Variants in SLC1A6 observed in about 807,000 individuals in gnomAD.
SLC1A6 encodes solute carrier family 1 member 6.
Under a neutral mutation model 42.1 loss-of-function variants are expected in SLC1A6, and 15 were observed. That is an observed-to-expected ratio of 0.36 (90% CI 0.24 to 0.55). SLC1A6 has a LOEUF of 0.55. Among genes scored for constraint, SLC1A6 ranks in the 20% least tolerant of loss-of-function variants. The pLI is 0.88. For synonymous variants in SLC1A6, 317 were observed against 319.7 expected (o/e 0.99, Z 0.09); for missense variants, 542 against 772.5 (o/e 0.70, Z 3.54).
intron 8 of SLC1A6, among the ~76,000 whole-genome samples, chr19:14,953,371 T>C (rs2045431474): frequency 6.6e-6 from 1 of 151,208 alleles, no homozygotes; most frequent in Non-Finnish European, 1.5e-5. Flanking sequence ...CAATCCCACC[T>C]TAACCTCCTG....
At chr19:14,986,717 A>T (rs1172967760) in intron 1 of SLC1A6, among the ~76,000 whole-genome samples, 1 of 151,406 alleles carries the variant, frequency 6.6e-6, no homozygotes, top group African/African-American at 2.4e-5. Context: ...CAGCCTCTTG[A>T]GTAGCTGGGA....
chr19:15,004,575 C>T (rs1479980906), intron 1 of SLC1A6, among the ~76,000 whole-genome samples: 1 of 148,850 alleles, frequency 6.7e-6, no homozygotes, highest in African/African-American at 2.5e-5. Flanking sequence ...TGGCATGCAC[C>T]TGTAGTTCCA....
At chr19:14,995,565 T>C (rs1469795797) in intron 1 of SLC1A6, among the ~76,000 whole-genome samples, 3 of 152,032 alleles carry the variant, frequency 2.0e-5, no homozygotes, top group Non-Finnish European at 4.4e-5. Context: ...TGCAAATGCT[T>C]CACCACAAAA....
At chr19:14,980,916 T>G (rs2045763590), upstream of SLC1A6, among the ~76,000 whole-genome samples, 1 of 152,058 alleles carries the variant, frequency 6.6e-6, no homozygotes, top group Non-Finnish European at 1.5e-5. Flanking sequence ...TGCATCGCCC[T>G]GGCTCTGCTT....
intron 3 of SLC1A6, 22 bp downstream of exon 3, chr19:14,971,715 A>G (rs770938506): frequency 6.2e-7 from 1 of 1,612,842 alleles, no homozygotes; most frequent in Non-Finnish European, 8.5e-7. Context: ...TTGGAGGCCA[A>G]CACTGGCCTG....
chr19:14,983,348 G>A (rs944533262), upstream of SLC1A6, among the ~76,000 whole-genome samples: 15 of 152,082 alleles, frequency 9.9e-5, no homozygotes, highest in African/African-American at 2.7e-4. Flanking sequence ...GCTGTCTAGC[G>A]TTTCTAAGCT....
upstream of SLC1A6, among the ~76,000 whole-genome samples, chr19:14,982,511 A>G (rs562914303): frequency 1.3e-5 from 2 of 152,390 alleles, no homozygotes; most frequent in African/African-American, 2.4e-5. Context: ...CCTGGGCAAC[A>G]GGGTAAGACT....
intron 1 of SLC1A6, among the ~76,000 whole-genome samples, chr19:15,002,573 G>A (rs927642087): frequency 6.6e-6 from 1 of 152,170 alleles, no homozygotes; most frequent in South Asian, 2.1e-4. Flanking sequence ...GACACATCAG[G>A]TCCAGCCCAC....
At chr19:15,005,037 T>C (rs2045889516) in intron 1 of SLC1A6, among the ~76,000 whole-genome samples, 3 of 152,138 alleles carry the variant, frequency 2.0e-5, no homozygotes, top group Admixed American at 1.3e-4. Context: ...GGCGGGAGGA[T>C]TGTTTGAGTC....
chr19:14,998,764 T>A (rs1252774454), intron 1 of SLC1A6, among the ~76,000 whole-genome samples: 1 of 152,196 alleles, frequency 6.6e-6, no homozygotes, highest in Non-Finnish European at 1.5e-5. Flanking sequence ...AAATCTACAC[T>A]TTTTGGAGCA....
chr19:15,002,465 A>G (rs576909250), intron 1 of SLC1A6, among the ~76,000 whole-genome samples: 2 of 152,278 alleles, frequency 1.3e-5, no homozygotes, highest in African/African-American at 4.8e-5. Flanking sequence ...CAAGTGAAAG[A>G]GCAAGCAAGA....
chr19:14,989,662 A>G (rs1252198173), intron 1 of SLC1A6, among the ~76,000 whole-genome samples: 1 of 152,052 alleles, frequency 6.6e-6, no homozygotes, highest in East Asian at 1.9e-4. Context: ...CAGCCATTAT[A>G]AAAAACAAAA....
At chr19:14,998,956 C>T (rs1600037949) in intron 1 of SLC1A6, among the ~76,000 whole-genome samples, 1 of 151,958 alleles carries the variant, frequency 6.6e-6, no homozygotes, top group East Asian at 1.9e-4. Context: ...CGGCTCACTG[C>T]AGCCTCCGCC....
At chr19:14,964,283 G>A (rs367724479) in intron 5 of SLC1A6, 36 bp downstream of exon 5, 30 of 1,599,948 alleles carry the variant, frequency 1.9e-5, no homozygotes, top group Admixed American at 8.4e-5. Context: ...ACCACCCTCC[G>A]AATCTCCTTG....
chr19:15,009,282 A>G (rs987854966), intron 1 of SLC1A6, among the ~76,000 whole-genome samples: 2 of 150,298 alleles, frequency 1.3e-5, no homozygotes, highest in African/African-American at 5.0e-5. Flanking sequence ...ATCTATAAAT[A>G]TCATATATAT....
chr19:14,961,790 A>AGAAT (rs2045514227), intron 6 of SLC1A6: 1 of 622,292 alleles, frequency 1.6e-6, no homozygotes, highest in Non-Finnish European at 2.7e-6. Flanking sequence ...AATGCATAGA[A>AGAAT]GAATGAATGA....
chr19:14,991,541 G>A (rs981976459), intron 1 of SLC1A6, among the ~76,000 whole-genome samples: 6 of 151,342 alleles, frequency 4.0e-5, no homozygotes, highest in Non-Finnish European at 8.8e-5. Flanking sequence ...AGAATTGCTT[G>A]AACCCGGGAG....
intron 5 of SLC1A6, chr19:14,964,008 TG>T: frequency 4.9e-6 from 1 of 204,938 alleles, no homozygotes; most frequent in Non-Finnish European, 9.7e-6. Context: ...TTTTTTTTTT[TG>T]AAAGACAGAG....
At chr19:15,006,087 C>G (rs932292691) in intron 1 of SLC1A6, among the ~76,000 whole-genome samples, 16 of 152,208 alleles carry the variant, frequency 1.1e-4, no homozygotes, top group East Asian at 3.8e-4. Flanking sequence ...TTTGAAATAG[C>G]TCATTCATGG....
Sources: allele counts gnomAD v4.1 joint callset (sites outside exome capture counted in the v4.1 genomes callset), GRCh38; gene constraint gnomAD v4.1.1; transcripts MANE v1.5; gene names NCBI Gene and HGNC (gene_info 2026-07-23, HGNC 2026-07-21).